Variants in LRRC37A2 observed in about 807,000 individuals in gnomAD.
LRRC37A2 encodes the protein leucine-rich repeat-containing protein 37A2.
Under a neutral mutation model 68.8 loss-of-function variants are expected in LRRC37A2, and 9 were observed. The observed-to-expected ratio is 0.13, with a 90% confidence interval of 0.08 to 0.23. The LOEUF (loss-of-function observed/expected upper bound fraction) is 0.23. LRRC37A2 is among the 10% of genes least tolerant of loss of function. The probability of loss-of-function intolerance (pLI) is 1.00; values close to 1 mark genes in which losing one functional copy is unlikely to be tolerated. For synonymous variants in LRRC37A2, 63 were observed against 367.6 expected (o/e 0.17, Z 9.48); for missense variants, 168 against 950.4 (o/e 0.18, Z 10.82).
the LRRC37A2 span, among the ~76,000 whole-genome samples, chr17:46,408,047 CATG>C: frequency 3.9e-5 from 1 of 25,744 alleles, no homozygotes; most frequent in Non-Finnish European, 1.2e-4. Flanking sequence ...TCACTGTACT[CATG>C]GTGGGGTTAC....
At chr17:46,789,206 C>T in the LRRC37A2 span, among the ~76,000 whole-genome samples, 1 of 151,980 alleles carries the variant, frequency 6.6e-6, no homozygotes, top group Non-Finnish European at 1.5e-5. Context: ...GGCCCAGAGG[C>T]CACCCTCCCT....
At chr17:46,679,110 C>T in the LRRC37A2 span, among the ~76,000 whole-genome samples, 1 of 151,870 alleles carries the variant, frequency 6.6e-6, no homozygotes. Context: ...GGTGGTAAAA[C>T]TATAAAGGAA....
chr17:46,731,166 A>C, the LRRC37A2 span, among the ~76,000 whole-genome samples: 1 of 152,218 alleles, frequency 6.6e-6, no homozygotes, highest in East Asian at 1.9e-4. Flanking sequence ...CAATAAAAAA[A>C]AGTAGTACCA....
chr17:46,978,552 G>C, the LRRC37A2 span: 2 of 1,440,000 alleles, frequency 1.4e-6, no homozygotes, highest in Non-Finnish European at 1.8e-6. Context: ...TGCCCGCCCG[G>C]AGGCGGCGGC....
At chr17:46,899,624 T>C in the LRRC37A2 span, among the ~76,000 whole-genome samples, 1 of 152,006 alleles carries the variant, frequency 6.6e-6, no homozygotes, top group African/African-American at 2.4e-5. Context: ...GAGGAGGGAA[T>C]GGGAGTGATT....
At chr17:46,923,009 C>T in the LRRC37A2 span, 5 of 632,064 alleles carry the variant, frequency 7.9e-6, no homozygotes, top group Admixed American at 7.4e-5. Context: ...CTTCCGTCGC[C>T]GGCCTCATTT....
the LRRC37A2 span, chr17:46,978,624 G>A: frequency 3.8e-6 from 6 of 1,568,494 alleles, no homozygotes; most frequent in Middle Eastern, 1.7e-4. Context: ...CAGCGCTGGC[G>A]AGGGCGGACC....
chr17:46,801,119 G>A, the LRRC37A2 span, among the ~76,000 whole-genome samples: 1 of 152,180 alleles, frequency 6.6e-6, no homozygotes, highest in East Asian at 1.9e-4. Flanking sequence ...ATTTTGCAGA[G>A]AGAAAACCAA....
At chr17:46,502,581 C>A in the LRRC37A2 span, among the ~76,000 whole-genome samples, 1 of 151,252 alleles carries the variant, frequency 6.6e-6, no homozygotes, top group African/African-American at 2.5e-5. Context: ...GGATTACAGG[C>A]ATGAGCCACT....
chr17:46,809,177 G>C, the LRRC37A2 span, among the ~76,000 whole-genome samples: 3 of 152,302 alleles, frequency 2.0e-5, no homozygotes, highest in Middle Eastern at 6.8e-3. Flanking sequence ...ATCATAGGGA[G>C]CCTCAGTACC....
the LRRC37A2 span, among the ~76,000 whole-genome samples, chr17:46,901,045 AAAG>A: frequency 2.0e-5 from 3 of 152,266 alleles, no homozygotes; most frequent in East Asian, 5.8e-4. Flanking sequence ...ATAGGCATTA[AAAG>A]AAGATTTATC....
At chr17:47,008,361 T>C in the LRRC37A2 span, among the ~76,000 whole-genome samples, 2 of 152,192 alleles carry the variant, frequency 1.3e-5, no homozygotes, top group Non-Finnish European at 2.9e-5. Context: ...TCCGCCCGGC[T>C]TGGCCTCCCA....
the LRRC37A2 span, among the ~76,000 whole-genome samples, chr17:46,839,170 A>G: frequency 6.6e-6 from 1 of 152,210 alleles, no homozygotes; most frequent in Admixed American, 6.5e-5. Flanking sequence ...GAGCCACCGC[A>G]CCTGGCCTCT....
the LRRC37A2 span, chr17:46,978,678 C>T: frequency 1.2e-6 from 2 of 1,610,374 alleles, no homozygotes; most frequent in Admixed American, 1.7e-5. Flanking sequence ...CGCCCACGTC[C>T]TTGGAGGGCC....
chr17:46,489,686 C>G, the LRRC37A2 span, among the ~76,000 whole-genome samples: 1 of 148,482 alleles, frequency 6.7e-6, no homozygotes, highest in Non-Finnish European at 1.5e-5. Context: ...CAGGGTTTCA[C>G]CATGTTGGCC....
chr17:46,769,920 C>T, the LRRC37A2 span: 1 of 1,613,528 alleles, frequency 6.2e-7, no homozygotes, highest in Admixed American at 1.7e-5. Context: ...TTCCAGCCTT[C>T]GCCAGGCGGC....
the LRRC37A2 span, among the ~76,000 whole-genome samples, chr17:47,022,182 TTTTC>T: frequency 2.9e-4 from 10 of 34,652 alleles, no homozygotes; most frequent in Middle Eastern, 8.9e-3. Context: ...TTTTTTTTTT[TTTTC>T]CAGAGACAGG....
At chr17:46,939,389 A>T in the LRRC37A2 span, 116 of 997,954 alleles carry the variant, frequency 1.2e-4, no homozygotes, top group Admixed American at 3.1e-4. Context: ...TCCACACTAC[A>T]GCTGGGTGTT....
chr17:47,043,576 T>C, the LRRC37A2 span, among the ~76,000 whole-genome samples: 1 of 151,376 alleles, frequency 6.6e-6, no homozygotes, highest in East Asian at 1.9e-4. Context: ...GGTGATTACA[T>C]GCAATGTAAG....
Sources: allele counts gnomAD v4.1 joint callset (sites outside exome capture counted in the v4.1 genomes callset), GRCh38; gene constraint gnomAD v4.1.1; transcripts MANE v1.5; gene names NCBI Gene and HGNC (gene_info 2026-07-23, HGNC 2026-07-21).